The following RIMBP2 variants were observed in gnomAD, a reference collection of about 807,000 sequenced individuals.
The protein encoded by RIMBP2 is RIMS-binding protein 2.
In RIMBP2, 48 loss-of-function variants were observed where a neutral mutation model predicts 118.6. The observed-to-expected ratio is 0.40, with a 90% CI of 0.32 to 0.51. The LOEUF (loss-of-function observed/expected upper bound fraction) is 0.51, where lower values mean the gene tolerates loss of function less well. Ranked by LOEUF, RIMBP2 falls within the 20% of genes least tolerant of loss-of-function variation. The probability of loss-of-function intolerance (pLI) is 0.41; values close to 1 mark genes in which losing one functional copy is unlikely to be tolerated. For synonymous variants in RIMBP2, 762 were observed against 742.9 expected, an observed-to-expected ratio of 1.03 and a Z score of -0.42; for missense variants, 1,551 against 1,768.3, an observed-to-expected ratio of 0.88 and a Z score of 2.20.
chr12:130,490,122 TCA>T (rs1491475093), intron 4 of RIMBP2, among the ~76,000 whole-genome samples: 107 of 83,116 alleles, frequency 1.3e-3, no homozygotes, highest in African/African-American at 3.4e-3. Flanking sequence ...AGACTCTGTC[TCA>T]AAAAAAAAAA....
chr12:130,709,774 G>A (rs1027098435), intron 1 of RIMBP2, among the ~76,000 whole-genome samples: 1 of 146,438 alleles, frequency 6.8e-6, no homozygotes, highest in South Asian at 2.2e-4. Flanking sequence ...CATTCCCATC[G>A]CGGACACACA....
intron 1 of RIMBP2, among the ~76,000 whole-genome samples, chr12:130,646,423 T>TCCCTCACCACCTGCCTCATCACC (rs1566423515): frequency 1.3e-4 from 1 of 7,484 alleles, no homozygotes; most frequent in Non-Finnish European, 2.3e-4. Flanking sequence ...CCCTCACCAC[T>TCCCTCACCACCTGCCTCATCACC]TCCCTCTCCA....
intron 1 of RIMBP2, among the ~76,000 whole-genome samples, chr12:130,644,676 G>A (rs1429097970): frequency 1.3e-5 from 2 of 152,204 alleles, no homozygotes; most frequent in Non-Finnish European, 2.9e-5. Context: ...AGACTTCAGG[G>A]GCAGCAAGGC....
At chr12:130,575,515 G>A (rs4130370) in intron 2 of RIMBP2, among the ~76,000 whole-genome samples, 1,747 of 152,166 alleles carry the variant, frequency 0.011, 28 homozygotes, top group African/African-American at 0.04. Context: ...TTTCACCAAC[G>A]TTACAGTGTA....
chr12:130,483,237 C>G (rs5016980), intron 4 of RIMBP2, among the ~76,000 whole-genome samples: 4,729 of 7,138 alleles, frequency 0.66, 1,545 homozygotes, highest in East Asian at 0.73. Context: ...CAAATACACC[C>G]ACTGTGTGTG....
intron 2 of RIMBP2, among the ~76,000 whole-genome samples, chr12:130,550,651 C>T (rs1482968035): frequency 1.3e-5 from 2 of 152,188 alleles, no homozygotes; most frequent in South Asian, 2.1e-4. Flanking sequence ...AAAAATTAAA[C>T]TATAAAATGC....
chr12:130,636,395 A>G (rs1377102549), intron 1 of RIMBP2, among the ~76,000 whole-genome samples: 2 of 152,196 alleles, frequency 1.3e-5, no homozygotes, highest in Non-Finnish European at 2.9e-5. Flanking sequence ...TATCTTATTT[A>G]CCAGCTGGTT....
Position 130,622,037 on chromosome 12 carries a change from A to T in RIMBP2, c.-217+6285T>A, listed in dbSNP as rs2061349108. On this transcript the variant is annotated intron_variant, in intron 2 of 22. Coordinates refer to ENST00000690449, the MANE Select transcript of RIMBP2 (RefSeq NM_001393629.1). The surrounding 1 kb of genome is among the most constrained non-coding windows in gnomAD (Gnocchi z 8.5). ...AAATGAAACCAACAAAATGGAATTTAAAATACATAATTGCTTTAGTCATGA... is the reference window on the plus strand; with the variant it reads ...AAATGAAACCAACAAAATGGAATTTTAAATACATAATTGCTTTAGTCATGA... 6.6e-6 allele frequency among the ~76,000 whole-genome samples: 1 copy of T among 152,274 alleles called. No individual in the cohort carries two copies. Among genetic ancestry groups the T allele is most frequent in the Non-Finnish European group, 1.5e-5 (1 of 68,042 alleles).
At chr12:130,677,746 CT>C (rs569328757) in intron 1 of RIMBP2, among the ~76,000 whole-genome samples, 60 of 152,346 alleles carry the variant, frequency 3.9e-4, no homozygotes, top group Non-Finnish European at 6.3e-4. Flanking sequence ...CCCACTAGGC[CT>C]GTGTGTTTCC....
At chr12:130,616,459 C>T (rs2060942022) in intron 2 of RIMBP2, among the ~76,000 whole-genome samples, 1 of 152,178 alleles carries the variant, frequency 6.6e-6, no homozygotes, top group Non-Finnish European at 1.5e-5. Flanking sequence ...ACCACGGTTG[C>T]AAACCTCTTC....
chr12:130,646,124 TGCCTCTCCACC>T lies in RIMBP2; in HGVS notation c.-351-17679_-351-17669del, dbSNP rs1566422204. ...CTCCCTCTCCACCTCCCTCACCACC[TGCCTCTCCACC>T]TCCCTCACCACCTGCCTCTCCACCT... On this transcript the variant is annotated intron_variant, in intron 1 of 22. Transcript: ENST00000690449. 2.1e-3 allele frequency among the ~76,000 whole-genome samples: 230 copies of T among 111,090 alleles called. 18 individuals are homozygous for T. The highest frequency in any genetic ancestry group is 3.0e-3 in the Non-Finnish European group (156 of 51,266). 72.9% of individuals were successfully genotyped at this position (111,090 alleles called of 152,430 possible).
chr12:130,459,050 A>AAAAAAAAC (rs1367974483), intron 6 of RIMBP2, among the ~76,000 whole-genome samples: 9 of 28,496 alleles, frequency 3.2e-4, no homozygotes, highest in East Asian at 1.4e-3. Context: ...GTCTCAAAAA[A>AAAAAAAAC]AAAAAAAAAC....
At chr12:130,436,441 A>G (rs1311842073) in intron 13 of RIMBP2, among the ~76,000 whole-genome samples, 1 of 152,108 alleles carries the variant, frequency 6.6e-6, no homozygotes, top group Non-Finnish European at 1.5e-5. Flanking sequence ...GTATATATTT[A>G]CATGCACACA....
At chr12:130,640,463 T>C (rs7954948) in intron 1 of RIMBP2, among the ~76,000 whole-genome samples, 112,433 of 152,200 alleles carry the variant, frequency 0.74, 41,763 homozygotes, top group Middle Eastern at 0.81. Context: ...AAAGTTATGT[T>C]CAGAATTTCA....
chr12:130,504,143 T>A (rs1453048612), intron 4 of RIMBP2, among the ~76,000 whole-genome samples: 1 of 152,190 alleles, frequency 6.6e-6, no homozygotes, highest in Non-Finnish European at 1.5e-5. Context: ...CACTGAAAGC[T>A]TTTATATTTG....
At chr12:130,605,346 G>T (rs1009456012) in intron 2 of RIMBP2, among the ~76,000 whole-genome samples, 1 of 152,070 alleles carries the variant, frequency 6.6e-6, no homozygotes, top group Non-Finnish European at 1.5e-5. Context: ...TCAATCACGC[G>T]GGGAAACCGT....
At chr12:130,506,548 G>T (rs2050377100) in intron 4 of RIMBP2, 100 bp downstream of exon 4, 1 of 846,018 alleles carries the variant, frequency 1.2e-6, no homozygotes, top group East Asian at 1.2e-4. Context: ...GCTTCCAAAG[G>T]AGCTTTACAT....
At chr12:130,656,257 C>T (rs767801025) in intron 1 of RIMBP2, among the ~76,000 whole-genome samples, 9 of 152,112 alleles carry the variant, frequency 5.9e-5, no homozygotes, top group Non-Finnish European at 1.3e-4. Context: ...CTGAGAGGCA[C>T]CTTCCCTCCC....
At chr12:130,456,792 T>C (rs2079488082) in intron 6 of RIMBP2, 92 bp from the exon 7 acceptor site, 10 of 897,668 alleles carry the variant, frequency 1.1e-5, no homozygotes, top group Non-Finnish European at 1.7e-5. Context: ...CGTGTGCACA[T>C]GTGCACTGTG....
Sources: allele counts gnomAD v4.1 joint callset (sites outside exome capture counted in the v4.1 genomes callset), GRCh38; gene constraint gnomAD v4.1.1; non-coding constraint Gnocchi (gnomAD v3.1); transcripts MANE v1.5; gene names NCBI Gene and HGNC (gene_info 2026-07-23, HGNC 2026-07-21).